ANKRD44: variants seen among roughly 807,000 people sequenced by gnomAD.
ANKRD44 encodes the protein ankyrin repeat domain 44.
ANKRD44 carries 35 observed loss-of-function variants against 116.0 expected under a neutral mutation model. The observed-to-expected ratio is 0.30, with a 90% CI of 0.23 to 0.40. The LOEUF is 0.40. ANKRD44 is among the 10% of genes least tolerant of loss of function. ANKRD44 has a pLI of 1.00. For synonymous variants in ANKRD44, 435 were observed against 461.8 expected (o/e 0.94, Z 0.74); for missense variants, 1,014 against 1,242.6 (o/e 0.82, Z 2.77).
chr2:197,042,461 A>G (rs1475698357), intron 16 of ANKRD44, among the ~76,000 whole-genome samples: 1 of 151,470 alleles, frequency 6.6e-6, no homozygotes, highest in African/African-American at 2.4e-5. Flanking sequence ...ATTGCTTCCA[A>G]TTGTATCTTC....
chr2:197,114,533 T>C (rs1445792272), intron 8 of ANKRD44, among the ~76,000 whole-genome samples: 2 of 152,228 alleles, frequency 1.3e-5, no homozygotes, highest in Non-Finnish European at 2.9e-5. Context: ...TTATATTTTC[T>C]TGACCACCAG....
At chr2:197,147,362 T>C (rs958727177) in intron 2 of ANKRD44, among the ~76,000 whole-genome samples, 2 of 150,930 alleles carry the variant, frequency 1.3e-5, no homozygotes, top group African/African-American at 4.9e-5. Flanking sequence ...GCTGAGGTCA[T>C]AGATGGATCA....
At chr2:197,138,929 A>C (rs2079288038) in intron 3 of ANKRD44, among the ~76,000 whole-genome samples, 1 of 152,234 alleles carries the variant, frequency 6.6e-6, no homozygotes, top group Non-Finnish European at 1.5e-5. Flanking sequence ...ACATATGGAA[A>C]GGTACTTCTC....
intron 21 of ANKRD44, among the ~76,000 whole-genome samples, chr2:197,004,787 G>A (rs1355370286): frequency 6.6e-6 from 1 of 151,936 alleles, no homozygotes; most frequent in African/African-American, 2.4e-5. Flanking sequence ...GAGAATTTAT[G>A]GTACCATAAT....
At chr2:197,207,028 A>G (rs141381139) in intron 1 of ANKRD44, among the ~76,000 whole-genome samples, 2 of 152,348 alleles carry the variant, frequency 1.3e-5, no homozygotes, top group African/African-American at 4.8e-5. Flanking sequence ...AAAAATCGTG[A>G]TAAGATTTTA....
At chr2:197,114,266 T>A (rs1474611500) in intron 8 of ANKRD44, among the ~76,000 whole-genome samples, 4 of 152,144 alleles carry the variant, frequency 2.6e-5, no homozygotes. Flanking sequence ...TTTATGAAAA[T>A]TTTTTTCTTA....
chr2:197,007,999 C>CTATT, intron 19 of ANKRD44, 76 bp from the exon 20 acceptor site: 1 of 641,352 alleles, frequency 1.6e-6, no homozygotes, highest in East Asian at 3.4e-5. Context: ...GGAAGACATT[C>CTATT]TCTTTCTCCC....
At chr2:196,980,660 CT>C (rs760705969) in intron 21 of ANKRD44, among the ~76,000 whole-genome samples, 7 of 152,240 alleles carry the variant, frequency 4.6e-5, no homozygotes, top group Non-Finnish European at 8.8e-5. Context: ...CATTCTGCAG[CT>C]CTTTGCCATC....
At chr2:197,172,517 T>C (rs2080264849) in intron 2 of ANKRD44, among the ~76,000 whole-genome samples, 1 of 152,196 alleles carries the variant, frequency 6.6e-6, no homozygotes, top group Non-Finnish European at 1.5e-5. Flanking sequence ...TCTGTGATCT[T>C]GGCTTACATG....
chr2:197,140,943 C>T (rs1415653089), intron 3 of ANKRD44, among the ~76,000 whole-genome samples: 17 of 152,056 alleles, frequency 1.1e-4, no homozygotes, highest in Non-Finnish European at 7.4e-5. Context: ...AGGCCGAGCG[C>T]GGTGGCTCAT....
At chr2:197,114,458 G>C (rs1208305131) in intron 8 of ANKRD44, among the ~76,000 whole-genome samples, 1 of 152,184 alleles carries the variant, frequency 6.6e-6, no homozygotes, top group Non-Finnish European at 1.5e-5. Flanking sequence ...ACAAATATTA[G>C]TACTCTTTCA....
intron 1 of ANKRD44, among the ~76,000 whole-genome samples, chr2:197,286,603 C>T (rs1240441199): frequency 1.3e-5 from 2 of 152,040 alleles, no homozygotes; most frequent in African/African-American, 4.8e-5. Context: ...GTCCTGAACT[C>T]ATGACCTCAA....
At chr2:197,131,128 T>A (rs1435188382) in intron 4 of ANKRD44, among the ~76,000 whole-genome samples, 9 of 152,142 alleles carry the variant, frequency 5.9e-5, no homozygotes, top group African/African-American at 2.2e-4. Context: ...GAAGGGTGGA[T>A]CAGAGGTTAA....
intron 27 of ANKRD44, chr2:196,990,176 G>T: frequency 1.0e-6 from 1 of 986,018 alleles, no homozygotes; most frequent in East Asian, 1.1e-4. Flanking sequence ...GATTATTACA[G>T]GCATTATTTC....
At chr2:197,125,634 G>C (rs2078958039) in intron 5 of ANKRD44, among the ~76,000 whole-genome samples, 166 bp from the exon 6 acceptor site, 1 of 152,240 alleles carries the variant, frequency 6.6e-6, no homozygotes, top group Admixed American at 6.5e-5. Context: ...CATGTGTCAT[G>C]TGTGTCAGAG....
chr2:197,047,361 T>C (rs922833481), intron 16 of ANKRD44, among the ~76,000 whole-genome samples: 1 of 152,158 alleles, frequency 6.6e-6, no homozygotes, highest in African/African-American at 2.4e-5. Flanking sequence ...TGCAATCCTC[T>C]ACAAATGTAA....
chr2:197,093,836 T>A (rs2078101289), intron 10 of ANKRD44, among the ~76,000 whole-genome samples: 1 of 152,230 alleles, frequency 6.6e-6, no homozygotes, highest in Admixed American at 6.5e-5. Context: ...CTTCATCAGG[T>A]ATACATCAAG....
intron 19 of ANKRD44, 106 bp downstream of exon 19, chr2:197,008,838 C>T (rs2076245390): frequency 3.2e-6 from 3 of 951,262 alleles, no homozygotes; most frequent in Non-Finnish European, 3.3e-6. Flanking sequence ...AAATATATTC[C>T]TCCAATTTCT....
intron 21 of ANKRD44, among the ~76,000 whole-genome samples, chr2:197,002,733 A>G (rs1217480186): frequency 1.3e-5 from 2 of 152,166 alleles, no homozygotes; most frequent in Non-Finnish European, 2.9e-5. Flanking sequence ...AGACCTGGTT[A>G]AAACAAAAAA....
Sources: allele counts gnomAD v4.1 joint callset (sites outside exome capture counted in the v4.1 genomes callset), GRCh38; gene constraint gnomAD v4.1.1; transcripts MANE v1.5; gene names NCBI Gene and HGNC (gene_info 2026-07-23, HGNC 2026-07-21).